The following LIMCH1 variants were observed in gnomAD, a reference collection of about 807,000 sequenced individuals.
The protein encoded by LIMCH1 is LIM and calponin homology domains 1.
A neutral mutation model predicts 176.5 loss-of-function variants in LIMCH1; 113 were observed. The ratio of observed to expected loss-of-function variants is 0.64; its 90% CI spans 0.55 to 0.75. The LOEUF is 0.75. Ranked by LOEUF, LIMCH1 falls within the 30% of genes least tolerant of loss-of-function variation. The probability of loss-of-function intolerance (pLI) is 0.00; values close to 1 mark genes in which losing one functional copy is unlikely to be tolerated. For synonymous variants in LIMCH1, 619 were observed against 645.9 expected, an observed-to-expected ratio of 0.96 and a Z score of 0.63; for missense variants, 1,674 against 1,814.9, an observed-to-expected ratio of 0.92 and a Z score of 1.41.
In LIMCH1 at chr4:41,681,004, G is replaced by T. The variant is rs1395158018; in HGVS notation, c.3662G>T (p.Ser1221Ile). 2 of 1,612,842 alleles carry T rather than the reference G, an allele frequency of 1.2e-6. No individual in the cohort carries two copies. The highest frequency in any genetic ancestry group is 1.7e-6 in the Non-Finnish European group (2 of 1,179,148). The change falls in exon 25 of 32, where the codon AGT (serine) becomes ATT (isoleucine). Residue 1221 changes from serine to isoleucine, a missense_variant. Physicochemically the swap from Ser to Ile is moderately radical, Grantham distance 142. Transcript: ENST00000503057. Reference protein sequence around the residue: ...DTVVPFTVSSSSADQLSTSSS... With the variant: ...DTVVPFTVSSISADQLSTSSS... ...GTGGTTCCATTTACTGTTTCTTCAA[G>T]TTCCGCTGACCAGCTGTCTACCTCT...
intron 3 of LIMCH1, among the ~76,000 whole-genome samples, chr4:41,533,028 G>A (rs77688345): frequency 0.042 from 6,366 of 152,174 alleles, 445 homozygotes; most frequent in African/African-American, 0.15. Flanking sequence ...AAGCTTACTC[G>A]TGGATATTGG....
chr4:41,433,391 T>C (rs932371838), intron 1 of LIMCH1, among the ~76,000 whole-genome samples: 2 of 152,228 alleles, frequency 1.3e-5, no homozygotes, highest in African/African-American at 4.8e-5. Context: ...ACTCCAAACT[T>C]AGTGGCTTAA....
rs1315272083 is a variant in LIMCH1 at position 41,619,734 on chromosome 4, C to G, written c.458+294C>G. On this transcript the variant is annotated intron_variant, in intron 6 of 31. Transcript: ENST00000503057. ...GGACATTGAGAGCAAATCTGTCATC[C>G]TTGTCCTTCTGCGGAGACTGCTTGA... 5 of 433,466 alleles carry G rather than the reference C, an allele frequency of 1.2e-5. No individual in the cohort carries two copies. The Admixed American group carries it at 1.8e-4, about 15-fold the overall frequency. The allele number at this position is 433,466 out of a possible 1,614,324, so 26.9% of individuals were successfully genotyped here. A position where few individuals can be genotyped will look rare whatever the true frequency, so the allele number is the denominator to read the frequency against.
chr4:41,648,658 G>GGGGTGTGTGTGTGTGT (rs1554153123), intron 17 of LIMCH1, among the ~76,000 whole-genome samples: 10 of 135,398 alleles, frequency 7.4e-5, no homozygotes, highest in African/African-American at 2.8e-4. Flanking sequence ...AAGGGGTAGG[G>GGGGTGTGTGTGTGTGT]GTGTGTGTGT....
In LIMCH1 at chr4:41,467,151, G is replaced by GTATATATA. The variant is rs147016551; in HGVS notation, c.97-27384_97-27377dup. Among the ~76,000 whole-genome samples, 245 of 60,790 alleles carry GTATATATA rather than the reference G, an allele frequency of 4.0e-3. 1 individual carries two copies. Among genetic ancestry groups the GTATATATA allele is most frequent in the African/African-American group, 0.031 (211 of 6,876 alleles). The allele number at this position is 60,790 out of a possible 152,430, so 39.9% of individuals were successfully genotyped here. A position where few individuals can be genotyped will look rare whatever the true frequency, so the allele number is the denominator to read the frequency against. On this transcript the variant is annotated intron_variant, in intron 1 of 26. Transcript: ENST00000313860. ...AATATTCCCATATATATATGTGTAT[G>GTATATATA]TATATATACACACACACACACACAC...
intron 1 of LIMCH1, among the ~76,000 whole-genome samples, chr4:41,576,230 T>C (rs796621751): frequency 3.9e-5 from 6 of 152,362 alleles, no homozygotes; most frequent in African/African-American, 1.4e-4. Context: ...TTTCTGTATG[T>C]GTTTATGATC....
intron 1 of LIMCH1, among the ~76,000 whole-genome samples, chr4:41,564,546 A>G (rs1052438322): frequency 6.6e-6 from 1 of 152,188 alleles, no homozygotes; most frequent in Non-Finnish European, 1.5e-5. Context: ...CTATACAGAA[A>G]AAAGTGGATA....
intron 2 of LIMCH1, among the ~76,000 whole-genome samples, chr4:41,497,387 C>G (rs1186517858): frequency 6.6e-6 from 1 of 151,982 alleles, no homozygotes; most frequent in African/African-American, 2.4e-5. Flanking sequence ...TCTGGTTTCC[C>G]CTGACCAGCC....
At chr4:41,464,225 C>T (rs1046162471) in intron 1 of LIMCH1, among the ~76,000 whole-genome samples, 1 of 151,716 alleles carries the variant, frequency 6.6e-6, no homozygotes, top group African/African-American at 2.4e-5. Flanking sequence ...TCCTGTCCCT[C>T]ACACTTGCCC....
chr4:41,429,101 G>A (rs928256134), intron 1 of LIMCH1, among the ~76,000 whole-genome samples: 4 of 152,218 alleles, frequency 2.6e-5, no homozygotes, highest in Non-Finnish European at 5.9e-5. Context: ...CCAGCCGAGG[G>A]AGAGTGGTGC....
At chr4:41,494,698 A>G in intron 2 of LIMCH1, 1 of 834,338 alleles carries the variant, frequency 1.2e-6, no homozygotes, top group Non-Finnish European at 1.9e-6. Flanking sequence ...TTTGTTTTGA[A>G]TTTATTCACA....
chr4:41,445,384 A>T (rs1377104941), intron 1 of LIMCH1, among the ~76,000 whole-genome samples: 1 of 152,166 alleles, frequency 6.6e-6, no homozygotes, highest in Non-Finnish European at 1.5e-5. Context: ...TGTCCATGAA[A>T]GGTGGACTTT....
intron 21 of LIMCH1, chr4:41,670,740 T>C: frequency 6.5e-7 from 1 of 1,536,006 alleles, no homozygotes; most frequent in South Asian, 1.2e-5. Context: ...CTGCCAGTGT[T>C]CCGCTTAGAG....
At chr4:41,533,863 C>G (rs991355094), upstream of LIMCH1, among the ~76,000 whole-genome samples, 1 of 152,166 alleles carries the variant, frequency 6.6e-6, no homozygotes, top group Admixed American at 6.5e-5. Context: ...GGCTCTGAGT[C>G]AGAAGGACCT....
intron 1 of LIMCH1, among the ~76,000 whole-genome samples, chr4:41,545,427 T>G (rs563348973): frequency 6.0e-4 from 91 of 152,272 alleles, no homozygotes; most frequent in African/African-American, 2.1e-3. Flanking sequence ...TGTTCGTCAG[T>G]ACGAGGGGAG....
At chr4:41,682,552 A>G (rs1306288859) in intron 26 of LIMCH1, 92 bp downstream of exon 26, 1 of 1,247,774 alleles carries the variant, frequency 8.0e-7, no homozygotes, top group East Asian at 2.5e-5. Flanking sequence ...GATGCAAATT[A>G]CATTCAGCTT....
chr4:41,606,275 T>A (rs1034195247), intron 4 of LIMCH1, among the ~76,000 whole-genome samples: 44 of 152,212 alleles, frequency 2.9e-4, no homozygotes, highest in Admixed American at 1.9e-3. Context: ...TATCAGTATA[T>A]GCCTTTGTAT....
At chr4:41,435,566 C>CA (rs1392813258) in intron 1 of LIMCH1, among the ~76,000 whole-genome samples, 9 of 152,192 alleles carry the variant, frequency 5.9e-5, no homozygotes, top group Non-Finnish European at 1.0e-4. Context: ...ATTGAAGCTA[C>CA]AATTTCTTTG....
chr4:41,694,667 G>T (rs953121557), intron 31 of LIMCH1, among the ~76,000 whole-genome samples: 2 of 152,028 alleles, frequency 1.3e-5, no homozygotes, highest in African/African-American at 4.8e-5. Context: ...TGGACACTTT[G>T]GTGGTTTCCC....
Sources: gnomAD v4.1 joint callset for allele counts (sites outside exome capture counted in the v4.1 genomes callset) on GRCh38, gnomAD v4.1.1 for gene constraint, MANE v1.5 for transcripts, NCBI Gene and HGNC (gene_info 2026-07-23, HGNC 2026-07-21) for gene names.